Variants in RBPJ observed in about 807,000 individuals in gnomAD.
RBPJ encodes the protein recombination signal binding protein for immunoglobulin kappa J region.
A neutral mutation model predicts 67.8 loss-of-function variants in RBPJ; 9 were observed. The observed-to-expected ratio is 0.13, with a 90% confidence interval of 0.08 to 0.23. The LOEUF (loss-of-function observed/expected upper bound fraction) is 0.23. Among genes scored for constraint, RBPJ ranks in the 10% least tolerant of loss-of-function variants. RBPJ has a pLI of 1.00. For missense variants in RBPJ, 305 were observed against 595.6 expected, an observed-to-expected ratio of 0.51 and a Z score of 5.08; for synonymous variants, 198 against 203.3, an observed-to-expected ratio of 0.97 and a Z score of 0.22.
intron 1 of RBPJ, among the ~76,000 whole-genome samples, chr4:26,178,156 T>G (rs540885587): frequency 6.6e-6 from 1 of 152,224 alleles, no homozygotes; most frequent in Non-Finnish European, 1.5e-5. Flanking sequence ...GTCTAGAAAC[T>G]AATATAAAGT....
chr4:26,335,226 G>C (rs1478281972), intron 1 of RBPJ, among the ~76,000 whole-genome samples: 1 of 152,040 alleles, frequency 6.6e-6, no homozygotes, highest in African/African-American at 2.4e-5. Context: ...CTGTCACCCA[G>C]GCTGGAGTGC....
intron 1 of RBPJ, among the ~76,000 whole-genome samples, chr4:26,358,965 T>G (rs1560291710): frequency 6.6e-6 from 1 of 152,146 alleles, no homozygotes; most frequent in East Asian, 1.9e-4. Context: ...AGAAAGTAAG[T>G]CACCTAGAAG....
chr4:26,156,648 T>G, the RBPJ span, among the ~76,000 whole-genome samples: 7 of 149,606 alleles, frequency 4.7e-5, no homozygotes, highest in Admixed American at 6.7e-5. Flanking sequence ...AGACATGGGG[T>G]TTCACTATGT....
At chr4:26,184,286 C>T (rs1261685403) in intron 1 of RBPJ, among the ~76,000 whole-genome samples, 1 of 151,956 alleles carries the variant, frequency 6.6e-6, no homozygotes, top group Admixed American at 6.6e-5. Flanking sequence ...GCCATAGGTA[C>T]AGGGATCACT....
At chr4:26,233,387 G>C (rs577923926) in intron 1 of RBPJ, among the ~76,000 whole-genome samples, 1 of 152,134 alleles carries the variant, frequency 6.6e-6, no homozygotes, top group Non-Finnish European at 1.5e-5. Flanking sequence ...TTGGTAACAG[G>C]TTTCCTTGCA....
intron 1 of RBPJ, among the ~76,000 whole-genome samples, chr4:26,255,345 A>G (rs1363447961): frequency 1.8e-5 from 2 of 110,078 alleles, no homozygotes; most frequent in Non-Finnish European, 3.4e-5. Context: ...CGGAGCTTGC[A>G]GTGAGCCGAG....
intron 1 of RBPJ, among the ~76,000 whole-genome samples, chr4:26,262,514 C>T (rs1200192505): frequency 6.6e-6 from 1 of 152,142 alleles, no homozygotes; most frequent in Non-Finnish European, 1.5e-5. Flanking sequence ...CTTTCCTGTC[C>T]AGTTTTCTTC....
chr4:26,320,374 GCCT>G (rs1054900470), upstream of RBPJ, among the ~76,000 whole-genome samples: 3 of 152,186 alleles, frequency 2.0e-5, no homozygotes, highest in African/African-American at 4.8e-5. Flanking sequence ...CTCTGGAAGG[GCCT>G]CCTCATTAGC....
upstream of RBPJ, among the ~76,000 whole-genome samples, chr4:26,319,162 G>A (rs1231398317): frequency 6.6e-6 from 1 of 152,104 alleles, no homozygotes; most frequent in Non-Finnish European, 1.5e-5. Context: ...GGCGGGGGGC[G>A]CGGTGTCTAA....
At chr4:26,180,950 T>C (rs1474175248) in intron 1 of RBPJ, among the ~76,000 whole-genome samples, 4 of 152,128 alleles carry the variant, frequency 2.6e-5, no homozygotes, top group African/African-American at 9.7e-5. Flanking sequence ...GTTCTCAAGA[T>C]AGTGAATAAG....
chr4:26,122,524 A>T, the RBPJ span, among the ~76,000 whole-genome samples: 2 of 152,242 alleles, frequency 1.3e-5, no homozygotes, highest in East Asian at 3.8e-4. Flanking sequence ...GGAGGAAGAT[A>T]TAGTGATCAA....
At chr4:26,348,956 C>G (rs1001339884) in intron 1 of RBPJ, among the ~76,000 whole-genome samples, 2 of 152,154 alleles carry the variant, frequency 1.3e-5, no homozygotes, top group African/African-American at 2.4e-5. Flanking sequence ...ATCCTCCTAC[C>G]TAGGCCTCCC....
chr4:26,121,301 C>T, the RBPJ span, among the ~76,000 whole-genome samples: 3 of 152,022 alleles, frequency 2.0e-5, no homozygotes, highest in African/African-American at 7.3e-5. Context: ...TCAAGTGCTC[C>T]TGCGTGGGTT....
At chr4:26,313,694 G>T (rs1722511908) in intron 1 of RBPJ, among the ~76,000 whole-genome samples, 1 of 151,686 alleles carries the variant, frequency 6.6e-6, no homozygotes, top group Non-Finnish European at 1.5e-5. Flanking sequence ...AAATTAGCAG[G>T]GCATGGTGGC....
intron 1 of RBPJ, among the ~76,000 whole-genome samples, chr4:26,348,460 C>A (rs1726404473): frequency 6.6e-6 from 1 of 152,132 alleles, no homozygotes; most frequent in Admixed American, 6.5e-5. Context: ...CTATGTGGCA[C>A]ATACATCAAT....
In RBPJ at chr4:26,424,953, A is replaced by G. The variant is rs953881858; in HGVS notation, c.747+210A>G. ...AAGGTAATAGCCAGTTTTTACAAGTACATTCTTAATGATTTTTTCTTAAAT... is the reference window on the plus strand; with the variant it reads ...AAGGTAATAGCCAGTTTTTACAAGTGCATTCTTAATGATTTTTTCTTAAAT... On this transcript the variant is annotated intron_variant, in intron 7 of 10. Coordinates refer to ENST00000355476, the MANE Select transcript of RBPJ (RefSeq NM_015874.6). The surrounding 1 kb of genome is among the most constrained non-coding windows in gnomAD (Gnocchi z 5.3). 8.9e-6 allele frequency: 4 copies of G among 451,304 alleles called. No individual in the cohort carries two copies. Among genetic ancestry groups the G allele is most frequent in the African/African-American group, 8.1e-5 (4 of 49,232 alleles). The allele number at this position is 451,304 out of a possible 1,614,324, so 28.0% of individuals were successfully genotyped here.
chr4:26,275,862 C>T (rs1412510349), intron 1 of RBPJ, among the ~76,000 whole-genome samples: 1 of 151,720 alleles, frequency 6.6e-6, no homozygotes, highest in Non-Finnish European at 1.5e-5. Flanking sequence ...GATCTCTTGA[C>T]CTCTCTGCCC....
At chr4:26,427,666 A>C (rs1735810825) in intron 7 of RBPJ, among the ~76,000 whole-genome samples, 1 of 152,192 alleles carries the variant, frequency 6.6e-6, no homozygotes, top group Non-Finnish European at 1.5e-5. Context: ...TTTGAAAAGC[A>C]GTTGTAGTGG....
intron 1 of RBPJ, among the ~76,000 whole-genome samples, chr4:26,220,001 T>G (rs1248422587): frequency 6.6e-6 from 1 of 151,870 alleles, no homozygotes; most frequent in Non-Finnish European, 1.5e-5. Flanking sequence ...GCCAGGATGG[T>G]CTCTATCTGG....
Sources: allele counts gnomAD v4.1 joint callset (sites outside exome capture counted in the v4.1 genomes callset), GRCh38; gene constraint gnomAD v4.1.1; non-coding constraint Gnocchi (gnomAD v3.1); transcripts MANE v1.5; gene names NCBI Gene and HGNC (gene_info 2026-07-23, HGNC 2026-07-21).